The following DLG1 variants were observed in gnomAD, a reference collection of about 807,000 sequenced individuals.
The protein encoded by DLG1 is discs large MAGUK scaffold protein 1.
Under a neutral mutation model 123.4 loss-of-function variants are expected in DLG1, and 42 were observed. That is an observed-to-expected ratio of 0.34 (90% CI 0.27 to 0.44). The LOEUF is 0.44. Ranked by LOEUF, DLG1 falls within the 20% of genes least tolerant of loss-of-function variation. The pLI is 1.00. For synonymous variants in DLG1, 317 were observed against 356.2 expected (o/e 0.89, Z 1.24); for missense variants, 942 against 1,082.6 (o/e 0.87, Z 1.82).
At chr3:197,151,748 G>C (rs1793961151) in intron 5 of DLG1, among the ~76,000 whole-genome samples, 1 of 152,194 alleles carries the variant, frequency 6.6e-6, no homozygotes, top group Non-Finnish European at 1.5e-5. Flanking sequence ...TTGCTATTAA[G>C]ATACTGGCAT....
intron 4 of DLG1, among the ~76,000 whole-genome samples, chr3:197,263,556 G>A (rs1452832381): frequency 1.3e-5 from 2 of 152,192 alleles, no homozygotes; most frequent in Non-Finnish European, 2.9e-5. Flanking sequence ...GGAGGCCAAG[G>A]TGGGAGAATC....
At position 197,232,354 on chromosome 3, in the gene DLG1, T is replaced by C. The variant is rs1743618056; in HGVS notation, c.319-37765A>G. Among the ~76,000 whole-genome samples the C allele has an allele frequency of 2.3e-5, 3 of 131,540 alleles. No individual in the cohort carries two copies. In the South Asian group the frequency reaches 9.9e-4, roughly 43 times the overall value. 86.3% of individuals were successfully genotyped at this position (131,540 alleles called of 152,430 possible). A position where few individuals can be genotyped will look rare whatever the true frequency, so the allele number is the denominator to read the frequency against. On this transcript the variant is annotated intron_variant, in intron 4 of 24. Transcript: ENST00000667157. ...ACTCCAGCATGGATGACAGAGACCT[T>C]GTCTCTTAAAAAAAAAAAAAAAAAA...
chr3:197,162,368 T>C lies in DLG1; in HGVS notation c.484-12572A>G, dbSNP rs562493956. 1.2e-3 allele frequency among the ~76,000 whole-genome samples: 188 copies of C among 152,276 alleles called. 2 individuals carry two copies. Among genetic ancestry groups the C allele is most frequent in the Middle Eastern group, 3.4e-3 (1 of 294 alleles). On this transcript the variant is annotated intron_variant, in intron 5 of 24. Coordinates refer to ENST00000667157, the MANE Select transcript of DLG1 (RefSeq NM_001366207.1). ...ATCTGGCTTGTTATTTTTAAAAGGA[T>C]GAAACTGGAACACAGGAAAGTTGTT...
At chr3:197,222,032 T>C (rs1330866790) in intron 4 of DLG1, among the ~76,000 whole-genome samples, 2 of 152,206 alleles carry the variant, frequency 1.3e-5, no homozygotes, top group Non-Finnish European at 2.9e-5. Context: ...GTTGTTATAA[T>C]GTATTGCTCA....
intron 5 of DLG1, among the ~76,000 whole-genome samples, chr3:197,188,750 A>G: frequency 6.6e-6 from 1 of 152,356 alleles, no homozygotes; most frequent in South Asian, 2.1e-4. Flanking sequence ...AGAGACTACT[A>G]GTCTAATACT....
At chr3:197,149,607 C>T in intron 6 of DLG1, 136 bp downstream of exon 6, 2 of 654,406 alleles carry the variant, frequency 3.1e-6, no homozygotes, top group South Asian at 1.9e-5. Flanking sequence ...ATAGCAATTA[C>T]AGCTATAGTA....
intron 3 of DLG1, among the ~76,000 whole-genome samples, chr3:197,286,127 C>T (rs1223637946): frequency 6.6e-6 from 1 of 152,126 alleles, no homozygotes; most frequent in East Asian, 1.9e-4. Context: ...AAAAAGGTTA[C>T]ATACTTATGA....
chr3:197,297,833 G>C, intron 1 of DLG1: 1 of 985,302 alleles, frequency 1.0e-6, no homozygotes, highest in African/African-American at 1.7e-5. Flanking sequence ...CTCGGAACTG[G>C]GGTGCGCCCC....
intron 3 of DLG1, among the ~76,000 whole-genome samples, chr3:197,284,818 T>C (rs1771035790): frequency 6.6e-6 from 1 of 152,282 alleles, no homozygotes; most frequent in Admixed American, 6.5e-5. Flanking sequence ...CGGTCAATCT[T>C]ATCACAGTCT....
chr3:197,205,483 T>A (rs544124051), intron 4 of DLG1, among the ~76,000 whole-genome samples: 1 of 151,768 alleles, frequency 6.6e-6, no homozygotes, highest in East Asian at 1.9e-4. Flanking sequence ...TAGGTAAATA[T>A]CAAAAAAGCA....
intron 5 of DLG1, among the ~76,000 whole-genome samples, chr3:197,168,699 T>C (rs911586890): frequency 2.6e-5 from 4 of 152,248 alleles, no homozygotes; most frequent in East Asian, 1.9e-4. Context: ...GTGACTGTTA[T>C]GCCATCATCC....
chr3:197,276,847 C>G (rs552527287), intron 4 of DLG1, among the ~76,000 whole-genome samples: 1 of 151,956 alleles, frequency 6.6e-6, no homozygotes, highest in Non-Finnish European at 1.5e-5. Flanking sequence ...GTTAGAAAAG[C>G]CTTCCTTATT....
rs535836335 is a variant in DLG1, at chr3:197,081,180, T to A, written c.1839-63A>T. 2.7e-3 allele frequency: 3,996 copies of A among 1,474,016 alleles called. 11 individuals are homozygous for A. The highest frequency in any genetic ancestry group is 3.1e-3 in the Non-Finnish European group (3,351 of 1,071,494). 91.3% of individuals were successfully genotyped at this position (1,474,016 alleles called of 1,614,324 possible). ...AACATATCTGGGGTCTTACTAGAAA[T>A]AACCAGAATTGTTATCTTTATAATG... On this transcript the variant is annotated intron_variant, in intron 16 of 24. Coordinates refer to ENST00000667157, the MANE Select transcript of DLG1 (RefSeq NM_001366207.1).
intron 4 of DLG1, among the ~76,000 whole-genome samples, chr3:197,262,022 G>C (rs888507206): frequency 1.3e-5 from 2 of 152,190 alleles, no homozygotes; most frequent in African/African-American, 4.8e-5. Context: ...CTTTGTTTCT[G>C]TCAGAGTGCC....
intron 5 of DLG1, among the ~76,000 whole-genome samples, chr3:197,170,561 C>T (rs116515813): frequency 2.6e-4 from 40 of 152,210 alleles, no homozygotes; most frequent in African/African-American, 8.7e-4. Context: ...TGTCTGTTTA[C>T]GTCCTTTACT....
intron 24 of DLG1, 55 bp downstream of exon 24, chr3:197,051,522 A>G (rs2148710076): frequency 6.9e-7 from 1 of 1,452,756 alleles, no homozygotes; most frequent in Non-Finnish European, 9.7e-7. Context: ...GTCGGTTCAC[A>G]TGGCTTCAAA....
intron 11 of DLG1, among the ~76,000 whole-genome samples, chr3:197,122,151 T>C (rs928392039): frequency 2.6e-5 from 4 of 151,826 alleles, no homozygotes; most frequent in African/African-American, 9.7e-5. Flanking sequence ...AGGATGTGGG[T>C]TTTTTCCCCC....
At chr3:197,105,708 T>C (rs944144003) in intron 13 of DLG1, among the ~76,000 whole-genome samples, 4 of 152,194 alleles carry the variant, frequency 2.6e-5, no homozygotes, top group African/African-American at 9.6e-5. Flanking sequence ...CGCGCATATA[T>C]ACATATATAG....
chr3:197,192,243 A>G (rs1719999098), intron 5 of DLG1, among the ~76,000 whole-genome samples: 1 of 152,192 alleles, frequency 6.6e-6, no homozygotes, highest in Non-Finnish European at 1.5e-5. Context: ...CACGCTTCTA[A>G]GTAACTCACG....
Sources: gnomAD v4.1 joint callset for allele counts (sites outside exome capture counted in the v4.1 genomes callset) on GRCh38, gnomAD v4.1.1 for gene constraint, MANE v1.5 for transcripts, NCBI Gene and HGNC (gene_info 2026-07-23, HGNC 2026-07-21) for gene names.